Variants in PVALEF observed in about 807,000 individuals in gnomAD.
The protein encoded by PVALEF is parvalbumin like EF-hand containing, also known as parvalbumin-like EF-hand-containing protein.
Under a neutral mutation model 1.2 loss-of-function variants are expected in PVALEF, and 2 were observed. The ratio of observed to expected loss-of-function variants is 1.68; its 90% CI spans 0.69 to 5.28. The LOEUF (loss-of-function observed/expected upper bound fraction) is 5.28. Ranked by LOEUF, PVALEF falls within the 30% of genes most tolerant of loss-of-function variation. PVALEF has a pLI of 0.06. For missense variants in PVALEF, 35 were observed against 17.7 expected (o/e 1.97, Z -1.75); for synonymous variants, 16 against 6.5 (o/e 2.47, Z -2.24).
chr17:81,167,231 C>T (rs549542319), intron 2 of PVALEF, among the ~76,000 whole-genome samples: 7 of 152,286 alleles, frequency 4.6e-5, no homozygotes, highest in South Asian at 4.1e-4. Context: ...AGTTAGAGGC[C>T]GCAGTGAGCC....
rs1351928622 is a variant in PVALEF at position 81,169,382 on chromosome 17, G to A, written c.-340+2538G>A. 5.3e-5 allele frequency among the ~76,000 whole-genome samples: 8 copies of A among 151,358 alleles called. No homozygotes were observed. In the East Asian group the frequency reaches 1.3e-3, roughly 25 times the overall value. On this transcript the variant is annotated intron_variant, in intron 2 of 6. Coordinates refer to ENST00000637878, the MANE Select transcript of PVALEF (RefSeq NM_001354639.2). The stretch of plus-strand genomic sequence containing the variant: ...TGGGAGGCCAAGGGGGGCGGACCGC[G>A]AGGTCAGGAGTTCGAGACCAGCCTG...
In PVALEF at chr17:81,182,070, T is replaced by G. The variant is rs969666091; in HGVS notation, c.347T>G (p.Ile116Ser). The G allele has an allele frequency of 1.5e-5, 6 of 398,406 alleles. No individual in the cohort carries two copies. Among genetic ancestry groups the G allele is most frequent in the Non-Finnish European group, 2.7e-5 (6 of 226,078 alleles). 24.7% of individuals were successfully genotyped at this position (398,406 alleles called of 1,614,324 possible). Residue 116 changes from isoleucine to serine, a missense_variant, in exon 6 of 7, where the codon ATC becomes AGC. By Grantham distance (142) the Ile-to-Ser change is moderately radical. Transcript: ENST00000637878. The stretch of plus-strand genomic sequence containing the variant: ...GCAGACACACACGGGGACGGGAGGA[T>G]CAACTACGAAGGTGGGGGCAGCACA... ...QAADTHGDGR[I>S]NYEEFSELIK...
chr17:81,170,933 C>T (rs1396410535), intron 2 of PVALEF, among the ~76,000 whole-genome samples: 1 of 152,130 alleles, frequency 6.6e-6, no homozygotes, highest in African/African-American at 2.4e-5. Flanking sequence ...GGTGCTCTTC[C>T]AGGCTGAGGC....
chr17:81,171,780 C>T (rs564271880), intron 2 of PVALEF, among the ~76,000 whole-genome samples: 3 of 152,320 alleles, frequency 2.0e-5, no homozygotes, highest in South Asian at 2.1e-4. Flanking sequence ...GCGTGAGCCA[C>T]CGTGCCCGGC....
At chr17:81,166,103 C>A (rs1314041247) in intron 1 of PVALEF, 1 of 577,240 alleles carries the variant, frequency 1.7e-6, no homozygotes, top group African/African-American at 2.1e-5. Context: ...GCGGAGCGCG[C>A]CGGCCCCCGC....
intron 1 of PVALEF, 165 bp downstream of exon 1, chr17:81,165,912 C>A: frequency 1.3e-6 from 2 of 1,566,548 alleles, no homozygotes; most frequent in Non-Finnish European, 1.7e-6. Context: ...GGCAGCGGCG[C>A]GCAGGCCGGG....
chr17:81,167,464 C>T (rs1420397099), intron 2 of PVALEF, among the ~76,000 whole-genome samples: 2 of 152,354 alleles, frequency 1.3e-5, no homozygotes, highest in African/African-American at 2.4e-5. Flanking sequence ...AGGTGAGAGG[C>T]GCCCACTCCA....
At chr17:81,165,875 A>C in intron 1 of PVALEF, 128 bp downstream of exon 1, 1 of 1,546,550 alleles carries the variant, frequency 6.5e-7, no homozygotes, top group Admixed American at 2.0e-5. Flanking sequence ...CGTGGGGCCC[A>C]GGGGCATCAC....
At chr17:81,173,996 T>C (rs2146446337) in intron 2 of PVALEF, among the ~76,000 whole-genome samples, 1 of 152,320 alleles carries the variant, frequency 6.6e-6, no homozygotes, top group East Asian at 1.9e-4. Context: ...ATGGGCCAAC[T>C]ACAAAATTTG....
chr17:81,169,912 C>T (rs780834700), intron 2 of PVALEF, among the ~76,000 whole-genome samples: 7 of 149,484 alleles, frequency 4.7e-5, no homozygotes, highest in South Asian at 2.1e-4. Flanking sequence ...AGGTGTGTAT[C>T]GGTTTGTGTG....
intron 3 of PVALEF, among the ~76,000 whole-genome samples, chr17:81,179,587 G>A (rs1014913932): frequency 1.3e-5 from 2 of 152,094 alleles, no homozygotes; most frequent in Non-Finnish European, 2.9e-5. Context: ...TCTGGCCCCC[G>A]GACTCCAGCA....
At chr17:81,170,227 A>G (rs1214792990) in intron 2 of PVALEF, among the ~76,000 whole-genome samples, 1 of 149,002 alleles carries the variant, frequency 6.7e-6, no homozygotes, top group African/African-American at 2.5e-5. Context: ...GTATGTGTGC[A>G]TGTATGTGTA....
intron 2 of PVALEF, among the ~76,000 whole-genome samples, chr17:81,175,909 G>GA (rs1294711221): frequency 1.3e-5 from 2 of 151,908 alleles, no homozygotes; most frequent in Non-Finnish European, 2.9e-5. Context: ...GGCAACAGAA[G>GA]AAAAAAATGG....
chr17:81,169,169 T>C (rs542630917), intron 2 of PVALEF, among the ~76,000 whole-genome samples: 2 of 152,234 alleles, frequency 1.3e-5, no homozygotes, highest in African/African-American at 4.8e-5. Context: ...CAGGGCGTCT[T>C]CCTGGGGGGA....
rs373443033 is a variant in PVALEF at position 81,171,577 on chromosome 17, C to T, written c.-340+4733C>T. On this transcript the variant is annotated intron_variant, in intron 2 of 6. Transcript: ENST00000637878. The stretch of plus-strand genomic sequence containing the variant: ...CGCCATCTCGGCTCACTGCAAGCTC[C>T]GCCTCCTGGGTTAACGCCATTCTCC... Among the ~76,000 whole-genome samples the T allele has an allele frequency of 4.3e-4, 65 of 152,254 alleles. No individual in the cohort carries two copies. The East Asian group carries it at 6.4e-3, about 15-fold the overall frequency.
intron 2 of PVALEF, among the ~76,000 whole-genome samples, chr17:81,167,067 C>T (rs1001028097): frequency 3.3e-5 from 5 of 151,850 alleles, no homozygotes; most frequent in African/African-American, 4.8e-5. Flanking sequence ...CCAGGGCAGG[C>T]GGGTGGCTTG....
chr17:81,175,256 T>C (rs1231879591), intron 2 of PVALEF, among the ~76,000 whole-genome samples: 1 of 152,118 alleles, frequency 6.6e-6, no homozygotes, highest in African/African-American at 2.4e-5. Flanking sequence ...CTACAAAACA[T>C]GGCTGAAAAG....
At position 81,170,894 on chromosome 17, in the gene PVALEF, C is replaced by T. The variant is rs971038717; in HGVS notation, c.-340+4050C>T. 1.1e-4 allele frequency among the ~76,000 whole-genome samples: 16 copies of T among 152,136 alleles called. 1 individual carries two copies. Among genetic ancestry groups the T allele is most frequent in the Non-Finnish European group, 2.1e-4 (14 of 68,006 alleles). Reference sequence around the variant, plus strand: ...TCCAGCCCCAGCCCCAGCCCTGTACCCACAGGCACCCAGGAGGTAACAGAG... The same window carrying T: ...TCCAGCCCCAGCCCCAGCCCTGTACTCACAGGCACCCAGGAGGTAACAGAG... On this transcript the variant is annotated intron_variant, in intron 2 of 6. Transcript: ENST00000637878.
In PVALEF at chr17:81,179,002, C is replaced by T; in HGVS notation, c.-255C>T. On this transcript the variant is annotated 5_prime_UTR_variant, in exon 3 of 7. Transcript: ENST00000637878. ...AGTGCCTGCGAGCCCCTGGGAGCTG[C>T]CCGTGCCAGGCTGGAGTGCCGGGGA... The T allele has an allele frequency of 2.3e-6, 1 of 441,586 alleles. No individual in the cohort carries two copies. The highest frequency in any genetic ancestry group is 7.2e-5 in the East Asian group (1 of 13,946). 27.4% of individuals were successfully genotyped at this position (441,586 alleles called of 1,614,324 possible).
Sources: allele counts gnomAD v4.1 joint callset (sites outside exome capture counted in the v4.1 genomes callset), GRCh38; gene constraint gnomAD v4.1.1; transcripts MANE v1.5; gene names NCBI Gene and HGNC (gene_info 2026-07-23, HGNC 2026-07-21).